The following RBMS2 variants were observed in gnomAD, a reference collection of about 807,000 sequenced individuals.
The protein encoded by RBMS2 is RNA-binding motif, single-stranded-interacting protein 2.
In RBMS2, 38 loss-of-function variants were observed where a neutral mutation model predicts 58.4. The ratio of observed to expected loss-of-function variants is 0.65; its 90% CI spans 0.50 to 0.85. RBMS2 has a LOEUF of 0.85. Among genes scored for constraint, RBMS2 ranks in the 40% least tolerant of loss-of-function variants. The pLI is 0.00. For missense variants in RBMS2, 367 were observed against 503.7 expected (o/e 0.73, Z 2.60); for synonymous variants, 151 against 180.7 (o/e 0.84, Z 1.32).
chr12:56,554,577 G>A (rs2136366007), intron 1 of RBMS2, among the ~76,000 whole-genome samples: 1 of 152,090 alleles, frequency 6.6e-6, no homozygotes, highest in East Asian at 1.9e-4. Flanking sequence ...CACACACTGG[G>A]GCCTGTTGTA....
chr12:56,526,046 C>T (rs1274199766), intron 1 of RBMS2, among the ~76,000 whole-genome samples: 1 of 151,898 alleles, frequency 6.6e-6, no homozygotes, highest in Non-Finnish European at 1.5e-5. Flanking sequence ...GGTGCTCACG[C>T]CTGTAATCCC....
intron 11 of RBMS2, among the ~76,000 whole-genome samples, chr12:56,587,878 A>G (rs1342938436): frequency 6.6e-6 from 1 of 152,130 alleles, no homozygotes; most frequent in African/African-American, 2.4e-5. Context: ...ACTGATTCCT[A>G]CTCATGCACC....
At chr12:56,564,845 G>C in intron 2 of RBMS2, among the ~76,000 whole-genome samples, 1 of 152,182 alleles carries the variant, frequency 6.6e-6, no homozygotes, top group South Asian at 2.1e-4. Context: ...GTGGTGGTGG[G>C]CACCTGTAGT....
At chr12:56,571,662 G>C in intron 4 of RBMS2, 36 bp from the exon 5 acceptor site, 1 of 1,486,396 alleles carries the variant, frequency 6.7e-7, no homozygotes, top group Non-Finnish European at 9.0e-7. Flanking sequence ...AGGGATAAGA[G>C]ATGTGAGCCT....
At chr12:56,536,921 A>C (rs1395308374) in intron 1 of RBMS2, among the ~76,000 whole-genome samples, 3 of 136,800 alleles carry the variant, frequency 2.2e-5, no homozygotes, top group South Asian at 2.3e-4. Flanking sequence ...ACCATCTTGA[A>C]CTTTTTTTTT....
rs535920521 is a variant in RBMS2, at chr12:56,589,145, C to T, written c.*12C>T. 34 of 1,554,420 alleles carry T rather than the reference C, an allele frequency of 2.2e-5. No individual in the cohort carries two copies. Among genetic ancestry groups the T allele is most frequent in the Middle Eastern group, 3.3e-4 (2 of 5,974 alleles). On this transcript the variant is annotated 3_prime_UTR_variant, in exon 14 of 14. Coordinates refer to ENST00000262031, the MANE Select transcript of RBMS2 (RefSeq NM_002898.4). ...CTGGCTTGTGCCTTCTTTAGGATTC[C>T]CCTCCCCATCTTTACTGAATAGAAA...
At position 56,582,113 on chromosome 12, in the gene RBMS2, ACT is replaced by A; in HGVS notation, c.838_839del (p.Ser280ProfsTer23). 1.2e-6 allele frequency: 2 copies of A among 1,612,076 alleles called. No individual in the cohort carries two copies. The highest frequency in any genetic ancestry group is 1.7e-6 in the Non-Finnish European group (2 of 1,178,994). ...TPNRMLAQSA[L>X]SPYLSSPVSS... ...CCAACAGGATGCTTGCTCAGTCTGC[ACT>A]CTCCCCATACCTTTCCTCTCCTGTG... is the stretch of plus-strand genomic sequence containing the variant. On this transcript the variant is annotated frameshift_variant, in exon 9 of 14. Coordinates refer to ENST00000262031, the MANE Select transcript of RBMS2 (RefSeq NM_002898.4). LOFTEE classifies it high-confidence loss of function.
chr12:56,562,722 A>C, intron 2 of RBMS2, 139 bp downstream of exon 2: 1 of 968,936 alleles, frequency 1.0e-6, no homozygotes, highest in South Asian at 1.6e-5. Context: ...GGGATTACAG[A>C]TGCATGCCAC....
At chr12:56,584,133 A>G (rs551866060) in intron 9 of RBMS2, among the ~76,000 whole-genome samples, 7 of 152,268 alleles carry the variant, frequency 4.6e-5, no homozygotes, top group Admixed American at 4.6e-4. Context: ...TTTTTGCCAT[A>G]TAAAAGTTTA....
chr12:56,531,171 T>A (rs1048493142), intron 1 of RBMS2, among the ~76,000 whole-genome samples: 1 of 152,170 alleles, frequency 6.6e-6, no homozygotes, highest in African/African-American at 2.4e-5. Flanking sequence ...AATTGTCTTA[T>A]CTTCATTGCT....
At chr12:56,588,257 A>G in intron 11 of RBMS2, 37 bp from the exon 12 acceptor site, 1 of 1,565,236 alleles carries the variant, frequency 6.4e-7, no homozygotes, top group Non-Finnish European at 8.8e-7. Context: ...GTAGCCAAAA[A>G]TCACTGCTGT....
At chr12:56,547,039 T>C (rs1446597115) in intron 1 of RBMS2, among the ~76,000 whole-genome samples, 1 of 152,100 alleles carries the variant, frequency 6.6e-6, no homozygotes, top group African/African-American at 2.4e-5. Context: ...ATTTCCTTGA[T>C]GGCTTTCCAT....
rs1427509980 is a variant in RBMS2, at chr12:56,590,035, C to G, written c.*902C>G. The G allele has an allele frequency of 6.6e-6, 1 of 152,210 alleles. No homozygotes were observed. 9.4% of individuals were successfully genotyped at this position (152,210 alleles called of 1,614,324 possible). The stretch of plus-strand genomic sequence containing the variant: ...CAACTCCACAGCCCTGGGAACACAC[C>G]CTTGAGCCAAACTTGGTTGAAGACT... On this transcript the variant is annotated 3_prime_UTR_variant, in exon 14 of 14. Coordinates refer to ENST00000262031, the MANE Select transcript of RBMS2 (RefSeq NM_002898.4).
intron 4 of RBMS2, among the ~76,000 whole-genome samples, chr12:56,571,094 C>T (rs2136475383): frequency 6.6e-6 from 1 of 152,318 alleles, no homozygotes; most frequent in South Asian, 2.1e-4. Flanking sequence ...CACATTCTGT[C>T]CCCTGGAAGG....
intron 9 of RBMS2, among the ~76,000 whole-genome samples, chr12:56,586,124 T>G (rs568262178): frequency 2.0e-5 from 3 of 152,048 alleles, no homozygotes; most frequent in East Asian, 1.9e-4. Flanking sequence ...GTCAGGAGAT[T>G]GAGACCATCC....
At chr12:56,587,267 C>T (rs1205374654) in intron 10 of RBMS2, among the ~76,000 whole-genome samples, 1 of 120,108 alleles carries the variant, frequency 8.3e-6, no homozygotes, top group East Asian at 2.3e-4. Flanking sequence ...AACTCCGTCT[C>T]AAAAAAAAAA....
At chr12:56,533,407 A>ACTTTT (rs1874152831) in intron 1 of RBMS2, among the ~76,000 whole-genome samples, 1 of 49,696 alleles carries the variant, frequency 2.0e-5, no homozygotes, top group African/African-American at 1.0e-4. Flanking sequence ...CAGCCCTATT[A>ACTTTT]CTTTTTTTTT....
At position 56,592,600 on chromosome 12, in the gene RBMS2, T is replaced by TC. The variant is rs1333953906; in HGVS notation, c.*3470dup. The TC allele has an allele frequency of 1.3e-5, 2 of 152,294 alleles. No homozygotes were observed. Among genetic ancestry groups the TC allele is most frequent in the Non-Finnish European group, 2.9e-5 (2 of 68,170 alleles). The allele number at this position is 152,294 out of a possible 1,614,324, so 9.4% of individuals were successfully genotyped here. ...ATCTCGGCTCACTGCAACCTCCGCC[T>TC]CCCAGGTTCAAGCAATTCTCCTGCC... On this transcript the variant is annotated 3_prime_UTR_variant, in exon 14 of 14. Coordinates refer to ENST00000262031, the MANE Select transcript of RBMS2 (RefSeq NM_002898.4).
chr12:56,579,542 G>A lies in RBMS2; in HGVS notation c.543-1642G>A, dbSNP rs539543174. Among the ~76,000 whole-genome samples the A allele has an allele frequency of 2.6e-5, 4 of 151,872 alleles. No individual in the cohort carries two copies. In the East Asian group the frequency reaches 7.8e-4, roughly 30 times the overall value. ...CAGCTTACTTGGGAGGCTGAGGCAG[G>A]AGAATGGTGTGAACCCAGGAGGCAG... On this transcript the variant is annotated intron_variant, in intron 5 of 13. Transcript: ENST00000262031.
Sources: gnomAD v4.1 joint callset for allele counts (sites outside exome capture counted in the v4.1 genomes callset) on GRCh38, gnomAD v4.1.1 for gene constraint, MANE v1.5 for transcripts, NCBI Gene and HGNC (gene_info 2026-07-23, HGNC 2026-07-21) for gene names.